Variants in MON2 observed in about 807,000 individuals in gnomAD.
MON2 encodes the protein protein MON2 homolog.
MON2 carries 84 observed loss-of-function variants against 208.6 expected under a neutral mutation model. The observed-to-expected ratio is 0.40, with a 90% CI of 0.34 to 0.48. The LOEUF (loss-of-function observed/expected upper bound fraction) is 0.48. Among genes scored for constraint, MON2 ranks in the 20% least tolerant of loss-of-function variants. The pLI is 0.59. For missense variants in MON2, 1,611 were observed against 2,015.4 expected (o/e 0.80, Z 3.84); for synonymous variants, 660 against 694.0 (o/e 0.95, Z 0.77).
intron 26 of MON2, among the ~76,000 whole-genome samples, chr12:62,564,003 G>A (rs1329943789): frequency 6.6e-6 from 1 of 152,008 alleles, no homozygotes; most frequent in Admixed American, 6.6e-5. Context: ...TTTTTAGAGT[G>A]TATAAATTTT....
chr12:62,479,783 CT>C (rs901501394), intron 1 of MON2, among the ~76,000 whole-genome samples: 34 of 150,490 alleles, frequency 2.3e-4, no homozygotes, highest in Admixed American at 9.3e-4. Flanking sequence ...TTCTTTTCTT[CT>C]TTTTTTTTGC....
intron 30 of MON2, among the ~76,000 whole-genome samples, chr12:62,578,121 G>T (rs2074857956): frequency 6.6e-6 from 1 of 152,078 alleles, no homozygotes; most frequent in African/African-American, 2.4e-5. Context: ...ACACCACAAT[G>T]GTAACTTTTG....
intron 13 of MON2, 72 bp from the exon 14 acceptor site, chr12:62,535,453 T>G: frequency 1.7e-6 from 2 of 1,152,574 alleles, no homozygotes; most frequent in South Asian, 3.6e-5. Context: ...ACTGAATACT[T>G]AATTCCACAT....
At chr12:62,581,490 T>C (rs1592459611) in intron 32 of MON2, among the ~76,000 whole-genome samples, 1 of 152,206 alleles carries the variant, frequency 6.6e-6, no homozygotes, top group East Asian at 1.9e-4. Flanking sequence ...GAGGCCGAGG[T>C]GACGGAGTTA....
chr12:62,584,375 A>G (rs1319543025), intron 32 of MON2, among the ~76,000 whole-genome samples: 2 of 152,188 alleles, frequency 1.3e-5, no homozygotes, highest in African/African-American at 4.8e-5. Flanking sequence ...ACTTCAAAAT[A>G]TGCTCTGTAA....
intron 2 of MON2, among the ~76,000 whole-genome samples, chr12:62,487,712 TG>T (rs2069882294): frequency 6.6e-6 from 1 of 151,956 alleles, no homozygotes; most frequent in Non-Finnish European, 1.5e-5. Flanking sequence ...TCAATAAATG[TG>T]CTTGTGATAT....
Position 62,533,783 on chromosome 12 carries a change from C to T in MON2, c.1634-1062C>T, listed in dbSNP as rs139416187. On this transcript the variant is annotated intron_variant, in intron 12 of 34. Transcript: ENST00000393630. ...ATACATAGCCACATACACACACCCC[C>T]ACACACAAGCACACGTCTCTGTACA... Among the ~76,000 whole-genome samples, 790 of 152,302 alleles carry T rather than the reference C, an allele frequency of 5.2e-3. 8 individuals carry two copies. Among genetic ancestry groups the T allele is most frequent in the African/African-American group, 0.018 (764 of 41,566 alleles).
Position 62,495,084 on chromosome 12 carries a change from A to G in MON2, c.372A>G (p.Leu124=). The G allele has an allele frequency of 6.2e-7, 1 of 1,610,604 alleles. No individual in the cohort carries two copies. Residue 124 remains leucine, a synonymous_variant, in exon 4 of 35, where the codon CTA becomes CTG. Coordinates refer to ENST00000393630, the MANE Select transcript of MON2 (RefSeq NM_015026.3). ...LMENSLEELK[L]LQTVLVLLTT... Reference sequence around the variant, plus strand: ...AGAATAGTCTTGAAGAACTTAAGCTACTTCAAACAGTTCTTGTTCTTTTAA... The same window carrying G: ...AGAATAGTCTTGAAGAACTTAAGCTGCTTCAAACAGTTCTTGTTCTTTTAA...
intron 33 of MON2, among the ~76,000 whole-genome samples, chr12:62,587,425 A>G (rs2075252387): frequency 6.6e-6 from 1 of 152,122 alleles, no homozygotes; most frequent in Non-Finnish European, 1.5e-5. Context: ...ATGTATTATA[A>G]AATGTTTTAA....
At chr12:62,470,209 T>C (rs867948948) in intron 1 of MON2, among the ~76,000 whole-genome samples, 1 of 152,138 alleles carries the variant, frequency 6.6e-6, no homozygotes, top group Non-Finnish European at 1.5e-5. Context: ...GCCCATGTAA[T>C]TCTTTTTTAA....
In MON2 at chr12:62,547,173, C is replaced by T. The variant is rs190102227; in HGVS notation, c.2753+101C>T. The T allele has an allele frequency of 6.7e-5, 52 of 770,546 alleles. 1 individual carries two copies. The East Asian group carries it at 1.3e-3, about 20-fold the overall frequency. The allele number at this position is 770,546 out of a possible 1,614,324, so 47.7% of individuals were successfully genotyped here. On this transcript the variant is annotated intron_variant, in intron 22 of 34. Transcript: ENST00000393630. ...AAGTGATAGAGGTAGAGAAGGACTC[C>T]ATCCTAAAATCTTGAAATAGTGGTT...
At chr12:62,551,576 G>A (rs2043366875) in intron 23 of MON2, among the ~76,000 whole-genome samples, 1 of 152,082 alleles carries the variant, frequency 6.6e-6, no homozygotes, top group South Asian at 2.1e-4. Context: ...GAGACACAAA[G>A]TGATCACATG....
In MON2 at chr12:62,561,530, AAG is replaced by A. The variant is rs553915163; in HGVS notation, c.4032+419_4032+420del. On this transcript the variant is annotated intron_variant, in intron 26 of 34. Coordinates refer to ENST00000393630, the MANE Select transcript of MON2 (RefSeq NM_015026.3). ...AATTATTGAAAGCCTATATTAAAAA[AAG>A]AAATTTATAAAAAGTATTTTTCCTC... Among the ~76,000 whole-genome samples the A allele has an allele frequency of 4.7e-3, 723 of 152,260 alleles. 6 individuals carry two copies. Among genetic ancestry groups the A allele is most frequent in the African/African-American group, 0.016 (666 of 41,572 alleles).
intron 30 of MON2, among the ~76,000 whole-genome samples, chr12:62,574,203 T>C (rs1228214233): frequency 6.6e-6 from 1 of 152,218 alleles, no homozygotes; most frequent in Admixed American, 6.5e-5. Flanking sequence ...GTAAGTACTT[T>C]AAAATGCTTG....
intron 24 of MON2, among the ~76,000 whole-genome samples, chr12:62,553,875 C>G (rs1298881658): frequency 2.0e-5 from 3 of 151,980 alleles, no homozygotes; most frequent in African/African-American, 7.3e-5. Flanking sequence ...TTAATAGACC[C>G]CAAAATGTCT....
At chr12:62,572,225 G>C (rs1357511964) in intron 30 of MON2, among the ~76,000 whole-genome samples, 1 of 152,120 alleles carries the variant, frequency 6.6e-6, no homozygotes, top group Non-Finnish European at 1.5e-5. Flanking sequence ...ATTTTCTTCA[G>C]TCTCTCTAGG....
intron 29 of MON2, among the ~76,000 whole-genome samples, chr12:62,568,895 C>T (rs573450005): frequency 3.3e-5 from 5 of 151,842 alleles, no homozygotes; most frequent in South Asian, 4.2e-4. Flanking sequence ...TCAAGTGATC[C>T]GCTCACCTCA....
rs192952245 is a variant in MON2, at chr12:62,513,957, A to G, written c.984+5477A>G. 2.6e-4 allele frequency among the ~76,000 whole-genome samples: 38 copies of G among 146,798 alleles called. 2 individuals carry two copies. Among genetic ancestry groups the G allele is most frequent in the South Asian group, 1.9e-3 (9 of 4,620 alleles). ...AGAGCGAGACTCCATCTCAAAAAAAAAAAGAAAGAAAGAAAGAAAGAAATG... is the reference window on the plus strand; with the variant it reads ...AGAGCGAGACTCCATCTCAAAAAAAGAAAGAAAGAAAGAAAGAAAGAAATG... On this transcript the variant is annotated intron_variant, in intron 8 of 34. Coordinates refer to ENST00000393630, the MANE Select transcript of MON2 (RefSeq NM_015026.3).
At chr12:62,565,816 G>T (rs1460189031) in intron 27 of MON2, 198 bp from the exon 28 acceptor site, 1 of 531,728 alleles carries the variant, frequency 1.9e-6, no homozygotes, top group Non-Finnish European at 3.3e-6. Flanking sequence ...GTGAAGTTTA[G>T]TTGGATTTTA....
Sources: gnomAD v4.1 joint callset for allele counts (sites outside exome capture counted in the v4.1 genomes callset) on GRCh38, gnomAD v4.1.1 for gene constraint, MANE v1.5 for transcripts, NCBI Gene and HGNC (gene_info 2026-07-23, HGNC 2026-07-21) for gene names.